BCL2L14: variants seen among roughly 807,000 people sequenced by gnomAD.
The protein encoded by BCL2L14 is BCL2 like 14.
BCL2L14 carries 27 observed loss-of-function variants against 35.3 expected under a neutral mutation model. The observed-to-expected ratio is 0.76, with a 90% confidence interval of 0.56 to 1.05. The LOEUF is 1.05. Ranked by LOEUF, BCL2L14 falls within the 50% of genes least tolerant of loss-of-function variation. BCL2L14 has a pLI of 0.00. For missense variants in BCL2L14, 377 were observed against 382.6 expected (o/e 0.99, Z 0.12); for synonymous variants, 139 against 145.9 (o/e 0.95, Z 0.34).
chr12:12,078,661 CACCT>C (rs1307114847), intron 1 of BCL2L14, among the ~76,000 whole-genome samples: 1 of 152,174 alleles, frequency 6.6e-6, no homozygotes, highest in African/African-American at 2.4e-5. Flanking sequence ...AATATCCACC[CACCT>C]GTCTAACTCC....
chr12:12,068,795 A>G (rs1177990704), upstream of BCL2L14, among the ~76,000 whole-genome samples: 3 of 152,210 alleles, frequency 2.0e-5, no homozygotes, highest in Non-Finnish European at 1.5e-5. Flanking sequence ...ACAAAGTAAA[A>G]TGAAAGCAAG....
upstream of BCL2L14, among the ~76,000 whole-genome samples, chr12:12,069,825 A>G (rs1199094666): frequency 6.6e-6 from 1 of 152,228 alleles, no homozygotes; most frequent in Admixed American, 6.5e-5. Context: ...TTGCTGGTGA[A>G]AATTCACCTC....
chr12:12,094,975 G>A, intron 5 of BCL2L14, 45 bp downstream of exon 5: 3 of 1,564,582 alleles, frequency 1.9e-6, no homozygotes, highest in Non-Finnish European at 2.6e-6. Flanking sequence ...GAACTCAGAA[G>A]AGATGGGATG....
At chr12:12,082,896 T>G (rs1258361203) in intron 2 of BCL2L14, among the ~76,000 whole-genome samples, 1 of 152,196 alleles carries the variant, frequency 6.6e-6, no homozygotes, top group African/African-American at 2.4e-5. Flanking sequence ...GAGCCTCACA[T>G]TCTATTTCTA....
Position 12,080,849 on chromosome 12 carries a change from G to A in BCL2L14, c.433+1111G>A, listed in dbSNP as rs118121084. ...TACAAAAACAACTGAGAAGCATTTA[G>A]ACAAAATCTTCCCTCAGTTGGACAA... On this transcript the variant is annotated intron_variant, in intron 2 of 5. Transcript: ENST00000308721. 5.5e-4 allele frequency among the ~76,000 whole-genome samples: 83 copies of A among 152,252 alleles called. No homozygotes were observed. The East Asian group carries it at 0.015, about 28-fold the overall frequency.
rs558569392 is a variant in BCL2L14 at position 12,075,566 on chromosome 12, C to T, written c.-7-3733C>T. Among the ~76,000 whole-genome samples, 669 of 152,184 alleles carry T rather than the reference C, an allele frequency of 4.4e-3. 4 individuals carry two copies. The highest frequency in any genetic ancestry group is 6.1e-3 in the Non-Finnish European group (418 of 68,010). On this transcript the variant is annotated intron_variant, in intron 1 of 5. Transcript: ENST00000308721. Reference sequence around the variant, plus strand: ...TCAGCCTCCCGAGTAGCTGGGATTGCAGGCATGTGCCACCATGCCTGGCTA... The same window carrying T: ...TCAGCCTCCCGAGTAGCTGGGATTGTAGGCATGTGCCACCATGCCTGGCTA...
intron 2 of BCL2L14, among the ~76,000 whole-genome samples, chr12:12,058,314 G>T (rs1765293016): frequency 6.6e-6 from 1 of 150,730 alleles, no homozygotes; most frequent in South Asian, 2.1e-4. Context: ...GCAGTGGCAT[G>T]ATGTCGGCTC....
chr12:12,097,000 C>G lies in BCL2L14; in HGVS notation c.946-1950C>G, dbSNP rs928869568. 1.4e-4 allele frequency among the ~76,000 whole-genome samples: 22 copies of G among 152,142 alleles called. 1 individual carries two copies. The highest frequency in any genetic ancestry group is 1.2e-3 in the Admixed American group (18 of 15,284). On this transcript the variant is annotated intron_variant, in intron 5 of 5. Transcript: ENST00000308721. Reference sequence around the variant, plus strand: ...CTACTAAAAATACAAAAAAATTAGCCGGGCATGGTGGCAGGTGCCTGTAGT... The same window carrying G: ...CTACTAAAAATACAAAAAAATTAGCGGGGCATGGTGGCAGGTGCCTGTAGT...
chr12:12,053,863 G>C (rs1278300316), intron 2 of BCL2L14, among the ~76,000 whole-genome samples: 1 of 152,132 alleles, frequency 6.6e-6, no homozygotes, highest in South Asian at 2.1e-4. Flanking sequence ...CTTAAGCCAG[G>C]TCTCTCCCAT....
intron 2 of BCL2L14, among the ~76,000 whole-genome samples, chr12:12,064,305 T>TG (rs764624120): frequency 8.9e-4 from 121 of 136,524 alleles, no homozygotes; most frequent in Non-Finnish European, 1.3e-3. Flanking sequence ...TTTTTTTGAT[T>TG]TTTTTTTTCT....
intron 5 of BCL2L14, chr12:12,095,825 G>T: frequency 2.0e-6 from 2 of 985,350 alleles, no homozygotes; most frequent in South Asian, 4.7e-5. Context: ...TGCCCGCCAT[G>T]GTCTTCAGTG....
upstream of BCL2L14, among the ~76,000 whole-genome samples, chr12:12,068,836 G>C (rs537805949): frequency 6.6e-6 from 1 of 152,070 alleles, no homozygotes; most frequent in African/African-American, 2.4e-5. Flanking sequence ...ATAAAAGGGG[G>C]GCTACTCCAT....
chr12:12,053,716 G>A (rs1860211472), intron 2 of BCL2L14, among the ~76,000 whole-genome samples: 1 of 152,120 alleles, frequency 6.6e-6, no homozygotes, highest in Non-Finnish European at 1.5e-5. Context: ...TGCCCAGCCG[G>A]CAATATAACT....
At chr12:12,065,460 G>A (rs1169818545) in intron 2 of BCL2L14, among the ~76,000 whole-genome samples, 6 of 151,516 alleles carry the variant, frequency 4.0e-5, no homozygotes, top group African/African-American at 9.7e-5. Context: ...CGCTTGAACC[G>A]GGGAGGCGGA....
intron 3 of BCL2L14, 122 bp from the exon 4 acceptor site, chr12:12,090,657 A>G (rs1022014022): frequency 3.2e-6 from 2 of 631,216 alleles, no homozygotes; most frequent in Non-Finnish European, 5.2e-6. Flanking sequence ...AAAAAAAAAA[A>G]AAAGAATTAG....
At chr12:12,060,027 G>A (rs563769947) in intron 2 of BCL2L14, among the ~76,000 whole-genome samples, 35 of 151,650 alleles carry the variant, frequency 2.3e-4, no homozygotes, top group African/African-American at 7.5e-4. Context: ...AACCCCAAGC[G>A]TCGCCGAGTC....
At chr12:12,062,594 C>T (rs1232338082) in intron 2 of BCL2L14, among the ~76,000 whole-genome samples, 1 of 151,958 alleles carries the variant, frequency 6.6e-6, no homozygotes, top group East Asian at 1.9e-4. Context: ...TACCCCCACC[C>T]AGGACTGGCA....
intron 5 of BCL2L14, chr12:12,096,295 A>G (rs986055319): frequency 5.8e-5 from 25 of 432,942 alleles, no homozygotes; most frequent in Admixed American, 5.8e-4. Flanking sequence ...AATCTGTTTA[A>G]CCCACTAATG....
At chr12:12,064,836 A>G (rs1018147007) in intron 2 of BCL2L14, among the ~76,000 whole-genome samples, 1 of 152,228 alleles carries the variant, frequency 6.6e-6, no homozygotes, top group Non-Finnish European at 1.5e-5. Context: ...AAGTCATGGT[A>G]GTCAGATCTC....
Sources: gnomAD v4.1 joint callset for allele counts (sites outside exome capture counted in the v4.1 genomes callset) on GRCh38, gnomAD v4.1.1 for gene constraint, MANE v1.5 for transcripts, NCBI Gene and HGNC (gene_info 2026-07-23, HGNC 2026-07-21) for gene names.